Variants in DENND4C observed in about 807,000 individuals in gnomAD.
DENND4C encodes DENN domain containing 4C.
A neutral mutation model predicts 203.0 loss-of-function variants in DENND4C; 108 were observed. That is an observed-to-expected ratio of 0.53 (90% CI 0.46 to 0.62). The LOEUF (loss-of-function observed/expected upper bound fraction) is 0.62, where lower values mean the gene tolerates loss of function less well. Ranked by LOEUF, DENND4C falls within the 20% of genes least tolerant of loss-of-function variation. The pLI, the probability that DENND4C is intolerant of heterozygous loss-of-function variation, is 0.00. For missense variants in DENND4C, 2,481 were observed against 2,301.2 expected (o/e 1.08, Z -1.60); for synonymous variants, 871 against 792.4 (o/e 1.10, Z -1.67).
chr9:19,356,588 GTGCTGCTACT>G (rs1825458151), intron 26 of DENND4C, among the ~76,000 whole-genome samples: 1 of 151,972 alleles, frequency 6.6e-6, no homozygotes, highest in South Asian at 2.1e-4. Context: ...ATATCTTAAA[GTGCTGCTACT>G]GCAGCTCTTT....
chr9:19,256,297 GTTTTTTTTTTTGTTTT>G (rs1827916050), intron 1 of DENND4C, among the ~76,000 whole-genome samples: 2 of 122,610 alleles, frequency 1.6e-5, no homozygotes, highest in African/African-American at 3.0e-5. Flanking sequence ...TTTCTTTTCT[GTTTTTTTTTTTGTTTT>G]TTTTTTTTTT....
intron 20 of DENND4C, among the ~76,000 whole-genome samples, chr9:19,339,680 CA>C (rs1253023249): frequency 6.6e-6 from 1 of 152,172 alleles, no homozygotes; most frequent in African/African-American, 2.4e-5. Flanking sequence ...CACTCTGAGA[CA>C]ATGTGCTAAT....
chr9:19,248,469 A>G (rs547912938), intron 1 of DENND4C, among the ~76,000 whole-genome samples: 1 of 152,034 alleles, frequency 6.6e-6, no homozygotes, highest in Non-Finnish European at 1.5e-5. Context: ...GGCTCACCGC[A>G]ACCTCCGCCT....
intron 17 of DENND4C, among the ~76,000 whole-genome samples, chr9:19,332,880 A>G (rs1038282599): frequency 6.7e-6 from 1 of 150,348 alleles, no homozygotes; most frequent in Non-Finnish European, 1.5e-5. Flanking sequence ...GATTACAGGC[A>G]TGAGCCACTG....
intron 1 of DENND4C, among the ~76,000 whole-genome samples, chr9:19,257,903 G>A (rs1015337845): frequency 1.3e-5 from 2 of 152,086 alleles, no homozygotes; most frequent in African/African-American, 4.8e-5. Flanking sequence ...GGGGAGAATC[G>A]CTTGAGCCCA....
chr9:19,324,645 C>A, intron 13 of DENND4C, 138 bp downstream of exon 13: 1 of 851,110 alleles, frequency 1.2e-6, no homozygotes, highest in Non-Finnish European at 1.8e-6. Context: ...GTTACCGATT[C>A]TGGGCTGAAT....
rs777917087 is a variant in DENND4C, at chr9:19,346,165, A to G, written c.3396A>G (p.Ala1132=). The change falls in exon 23 of 33, where the codon GCA becomes GCG. Residue 1132 remains alanine (A), a synonymous_variant. Transcript: ENST00000434457. Reference sequence around the variant, plus strand: ...CAGATGCCAAGATTCTCACAGCAGCATTGACATGTCCTAAGACTTCTCTAC... The same window carrying G: ...CAGATGCCAAGATTCTCACAGCAGCGTTGACATGTCCTAAGACTTCTCTAC... ...MGADAKILTA[A]LTCPKTSLLH... is the part of the protein sequence containing the mutation. 1.2e-6 allele frequency: 2 copies of G among 1,614,254 alleles called. No homozygotes were observed. The highest frequency in any genetic ancestry group is 1.7e-6 in the Non-Finnish European group (2 of 1,180,044).
At chr9:19,336,591 G>A in intron 19 of DENND4C, 95 bp from the exon 20 acceptor site, 1 of 1,445,546 alleles carries the variant, frequency 6.9e-7, no homozygotes, top group Non-Finnish European at 9.2e-7. Flanking sequence ...TTTAGAAAGT[G>A]TTCTGCAACT....
chr9:19,231,554 T>C (rs904122784), intron 1 of DENND4C, among the ~76,000 whole-genome samples: 6 of 151,624 alleles, frequency 4.0e-5, no homozygotes, highest in South Asian at 2.1e-4. Flanking sequence ...TTTTTTTTTT[T>C]CCTCCCCTTT....
At chr9:19,252,252 CAGATCTCGTG>C (rs1270258544) in intron 1 of DENND4C, among the ~76,000 whole-genome samples, 1 of 152,110 alleles carries the variant, frequency 6.6e-6, no homozygotes, top group Non-Finnish European at 1.5e-5. Context: ...TTAAAACCAT[CAGATCTCGTG>C]AGACTTATTC....
chr9:19,252,330 A>G (rs564379415), intron 1 of DENND4C, among the ~76,000 whole-genome samples: 111 of 152,290 alleles, frequency 7.3e-4, no homozygotes, highest in African/African-American at 2.6e-3. Context: ...ACCTCTCACC[A>G]GGTTCCTCCC....
intron 31 of DENND4C, 156 bp downstream of exon 31, chr9:19,370,143 C>T (rs1828524373): frequency 1.1e-6 from 1 of 899,902 alleles, no homozygotes; most frequent in Non-Finnish European, 1.7e-6. Context: ...TACATTCCTA[C>T]TTGAACACAA....
At chr9:19,351,902 TTAAC>T (rs1190730152) in intron 24 of DENND4C, among the ~76,000 whole-genome samples, 167 bp from the exon 25 acceptor site, 1 of 152,250 alleles carries the variant, frequency 6.6e-6, no homozygotes, top group Non-Finnish European at 1.5e-5. Flanking sequence ...CTAGATTTAA[TTAAC>T]TATTGTTAAC....
chr9:19,336,330 G>A lies in DENND4C; in HGVS notation c.2650G>A (p.Val884Ile), dbSNP rs1820462829. Residue 884 changes from valine to isoleucine, a missense_variant, in exon 19 of 33, where the codon GTA becomes ATA. Val to Ile is a conservative substitution (Grantham distance 29, BLOSUM62 3). This residue lies in a region of DENND4C where 2,289 missense variants were observed against 2,113.3 expected (regional missense o/e 1.08). Coordinates refer to ENST00000434457, the MANE Select transcript of DENND4C (RefSeq NM_001330640.2). ...CAGTGGTATTTTCTTATGGACGAAG[G>A]TACGGAATGTGGTACGTGGCTTGGC... ...TRSGIFLWTK[V>I]RNVVRGLAQF... The A allele has an allele frequency of 6.2e-7, 1 of 1,614,028 alleles. No homozygotes were observed. Among genetic ancestry groups the A allele is most frequent in the East Asian group, 2.2e-5 (1 of 44,876 alleles).
intron 1 of DENND4C, among the ~76,000 whole-genome samples, chr9:19,269,351 G>T (rs1816678279): frequency 1.3e-5 from 2 of 152,070 alleles, no homozygotes; most frequent in African/African-American, 2.4e-5. Context: ...TAGAGACAGG[G>T]TTTCACCACG....
intron 23 of DENND4C, among the ~76,000 whole-genome samples, chr9:19,349,766 T>G (rs1401488449): frequency 1.3e-5 from 2 of 152,164 alleles, no homozygotes; most frequent in Non-Finnish European, 2.9e-5. Flanking sequence ...TAATAGTATA[T>G]CAGTAAAACA....
chr9:19,277,633 G>A (rs1178970682), intron 2 of DENND4C, among the ~76,000 whole-genome samples: 1 of 151,294 alleles, frequency 6.6e-6, no homozygotes, highest in Admixed American at 6.6e-5. Context: ...TTCCTTTGCA[G>A]TTTGGATGCT....
chr9:19,336,674 CCTTAT>C lies in DENND4C; in HGVS notation c.2735-8_2735-4del. The C allele has an allele frequency of 2.6e-6, 4 of 1,549,724 alleles. No individual in the cohort carries two copies. Among genetic ancestry groups the C allele is most frequent in the South Asian group, 1.2e-5 (1 of 83,780 alleles). On this transcript the variant is annotated splice_polypyrimidine_tract_variant and splice_region_variant and intron_variant, in intron 19 of 32. Coordinates refer to ENST00000434457, the MANE Select transcript of DENND4C (RefSeq NM_001330640.2). ...GCATGAGTTATTGAACTGCTATTGT[CCTTAT>C]CTTTAGCTCTTCAAAATGTCACAGG... is the stretch of plus-strand genomic sequence containing the variant.
chr9:19,262,244 G>A (rs767122866), intron 1 of DENND4C, among the ~76,000 whole-genome samples: 5 of 151,612 alleles, frequency 3.3e-5, no homozygotes, highest in Non-Finnish European at 4.4e-5. Context: ...GTGCCAGCAT[G>A]CCTGGCTAAT....
Sources: allele counts gnomAD v4.1 joint callset (sites outside exome capture counted in the v4.1 genomes callset), GRCh38; gene constraint gnomAD v4.1.1; regional missense constraint gnomAD v4.1.1; transcripts MANE v1.5; gene names NCBI Gene and HGNC (gene_info 2026-07-23, HGNC 2026-07-21).